SPAG16: variants seen among roughly 807,000 people sequenced by gnomAD.
SPAG16 encodes the protein sperm associated antigen 16.
A neutral mutation model predicts 80.4 loss-of-function variants in SPAG16; 86 were observed. That is an observed-to-expected ratio of 1.07 (90% CI 0.90 to 1.28). The LOEUF (loss-of-function observed/expected upper bound fraction) is 1.28, where lower values mean the gene tolerates loss of function less well. Ranked by LOEUF, SPAG16 falls within the 50% of genes most tolerant of loss-of-function variation. The probability of loss-of-function intolerance (pLI) is 0.00; values close to 1 mark genes in which losing one functional copy is unlikely to be tolerated. For missense variants in SPAG16, 870 were observed against 765.3 expected (o/e 1.14, Z -1.61); for synonymous variants, 294 against 265.9 (o/e 1.11, Z -1.03).
intron 14 of SPAG16, among the ~76,000 whole-genome samples, chr2:214,143,062 C>T (rs552743944): frequency 1.3e-5 from 2 of 152,218 alleles, no homozygotes; most frequent in East Asian, 3.9e-4. Context: ...TTTTTAGCCT[C>T]ACTCTGTCTT....
chr2:213,525,301 T>C (rs1312726642), intron 10 of SPAG16, among the ~76,000 whole-genome samples: 1 of 146,280 alleles, frequency 6.8e-6, no homozygotes, highest in Non-Finnish European at 1.5e-5. Flanking sequence ...TTTTTTTTTT[T>C]TTTTTGAGAC....
intron 13 of SPAG16, among the ~76,000 whole-genome samples, chr2:214,022,606 G>A (rs975794653): frequency 6.6e-6 from 1 of 151,908 alleles, no homozygotes; most frequent in Non-Finnish European, 1.5e-5. Flanking sequence ...CATGAAACTC[G>A]GAGCTTTCTT....
At chr2:213,627,587 G>C (rs1257982239) in intron 10 of SPAG16, among the ~76,000 whole-genome samples, 1 of 152,052 alleles carries the variant, frequency 6.6e-6, no homozygotes, top group East Asian at 1.9e-4. Context: ...TATTTTAGTT[G>C]TCTGTCTCCT....
At chr2:213,689,645 T>C (rs2064856021) in intron 10 of SPAG16, among the ~76,000 whole-genome samples, 2 of 151,726 alleles carry the variant, frequency 1.3e-5, no homozygotes, top group Admixed American at 1.3e-4. Flanking sequence ...ACACTCATTA[T>C]TCTCAGCCTT....
At chr2:214,133,173 C>A (rs910891724) in intron 14 of SPAG16, among the ~76,000 whole-genome samples, 2 of 150,824 alleles carry the variant, frequency 1.3e-5, no homozygotes, top group Non-Finnish European at 2.9e-5. Flanking sequence ...TTTGGCAATA[C>A]TGATTTTATG....
intron 10 of SPAG16, among the ~76,000 whole-genome samples, chr2:213,526,393 A>G (rs1010965687): frequency 1.9e-4 from 29 of 152,146 alleles, no homozygotes; most frequent in Non-Finnish European, 2.9e-5. Context: ...AATTCTATAC[A>G]CCTACTACGA....
chr2:214,364,606 G>A (rs1364392995), intron 15 of SPAG16, among the ~76,000 whole-genome samples: 1 of 152,120 alleles, frequency 6.6e-6, no homozygotes, highest in Non-Finnish European at 1.5e-5. Flanking sequence ...GGATGGATGT[G>A]AAGTTACTAA....
chr2:214,078,221 C>A (rs1323577539), intron 13 of SPAG16, among the ~76,000 whole-genome samples: 1 of 151,924 alleles, frequency 6.6e-6, no homozygotes, highest in Non-Finnish European at 1.5e-5. Flanking sequence ...GAGAGAGACC[C>A]CAAAAATATC....
At chr2:214,401,345 G>A (rs1701694181) in intron 15 of SPAG16, among the ~76,000 whole-genome samples, 1 of 151,878 alleles carries the variant, frequency 6.6e-6, no homozygotes, top group South Asian at 2.1e-4. Flanking sequence ...TTAGAGAATT[G>A]CTTCAAATCT....
chr2:213,325,954 A>T (rs1386323623), intron 5 of SPAG16, among the ~76,000 whole-genome samples: 1 of 151,882 alleles, frequency 6.6e-6, no homozygotes, highest in Non-Finnish European at 1.5e-5. Context: ...GCTTTTAATA[A>T]TTTTTAGAGC....
At chr2:213,676,001 A>G (rs2125239439) in intron 10 of SPAG16, among the ~76,000 whole-genome samples, 2 of 152,272 alleles carry the variant, frequency 1.3e-5, no homozygotes, top group Admixed American at 1.3e-4. Flanking sequence ...CATGATATTG[A>G]TTCTTCCTAC....
intron 9 of SPAG16, among the ~76,000 whole-genome samples, chr2:213,404,764 A>G (rs904148792): frequency 1.3e-5 from 2 of 152,184 alleles, no homozygotes; most frequent in African/African-American, 2.4e-5. Flanking sequence ...TATATGTTAA[A>G]TCTTTTTACA....
At position 214,014,113 on chromosome 2, in the gene SPAG16, A is replaced by G. The variant is rs545425776; in HGVS notation, c.1527+36A>G. 1.7e-4 allele frequency: 279 copies of G among 1,607,696 alleles called. No individual in the cohort carries two copies. The African/African-American group carries it at 2.3e-3, about 14-fold the overall frequency. ...CATTCACTTTTTTTCCCAGCTTTTG[A>G]TAAGTCTGATTACTCTCGGTCATTC... On this transcript the variant is annotated intron_variant, in intron 13 of 15. Coordinates refer to ENST00000331683, the MANE Select transcript of SPAG16 (RefSeq NM_024532.5).
chr2:214,038,055 G>A (rs543069007), intron 13 of SPAG16, among the ~76,000 whole-genome samples: 50 of 152,064 alleles, frequency 3.3e-4, no homozygotes, highest in African/African-American at 1.1e-3. Flanking sequence ...CACATTAATT[G>A]ACGTGCTAAA....
chr2:213,726,194 C>T (rs1032890100), intron 10 of SPAG16, among the ~76,000 whole-genome samples: 9 of 152,196 alleles, frequency 5.9e-5, no homozygotes, highest in African/African-American at 2.2e-4. Context: ...AGGAGCAACC[C>T]TCAGTCGGTG....
chr2:213,364,561 C>T (rs2066176663), intron 8 of SPAG16: 1 of 153,774 alleles, frequency 6.5e-6, no homozygotes, highest in Non-Finnish European at 1.5e-5. Context: ...CCAAACTGAG[C>T]TTTGTGGAGA....
chr2:213,657,163 C>G (rs2063250835), intron 10 of SPAG16, among the ~76,000 whole-genome samples: 1 of 152,074 alleles, frequency 6.6e-6, no homozygotes, highest in Non-Finnish European at 1.5e-5. Flanking sequence ...ATTTCCATAT[C>G]AAGTTTTATT....
At chr2:214,227,371 A>T (rs1413909597) in intron 15 of SPAG16, among the ~76,000 whole-genome samples, 1 of 152,088 alleles carries the variant, frequency 6.6e-6, no homozygotes, top group Non-Finnish European at 1.5e-5. Context: ...GCTTTAGACA[A>T]GAGAGAATTA....
chr2:213,912,687 A>T (rs1049443931), intron 11 of SPAG16, among the ~76,000 whole-genome samples: 1 of 152,138 alleles, frequency 6.6e-6, no homozygotes. Context: ...ATAGCCATTG[A>T]GTAGTTACTG....
Sources: gnomAD v4.1 joint callset for allele counts (sites outside exome capture counted in the v4.1 genomes callset) on GRCh38, gnomAD v4.1.1 for gene constraint, MANE v1.5 for transcripts, NCBI Gene and HGNC (gene_info 2026-07-23, HGNC 2026-07-21) for gene names.